The following COG5 variants were observed in gnomAD, a reference collection of about 807,000 sequenced individuals.
COG5 encodes the protein component of oligomeric golgi complex 5, also known as conserved oligomeric Golgi complex subunit 5.
In COG5, 86 loss-of-function variants were observed where a neutral mutation model predicts 110.4. The ratio of observed to expected loss-of-function variants is 0.78; its 90% CI spans 0.65 to 0.93. COG5 has a LOEUF of 0.93. Ranked by LOEUF, COG5 falls within the 40% of genes least tolerant of loss-of-function variation. The pLI, the probability that COG5 is intolerant of heterozygous loss-of-function variation, is 0.00. For missense variants in COG5, 1,077 were observed against 987.0 expected, an observed-to-expected ratio of 1.09 and a Z score of -1.22; for synonymous variants, 360 against 334.6, an observed-to-expected ratio of 1.08 and a Z score of -0.83.
rs545529615 is a variant in COG5 at position 107,223,153 on chromosome 7, C to T, written c.2168+7462G>A. On this transcript the variant is annotated intron_variant, in intron 19 of 21. Coordinates refer to ENST00000297135, the MANE Select transcript of COG5 (RefSeq NM_006348.5). ...GAAGGCAGCAAGACCACTAAGTATGCGTACTGAGGTCTGGAAGCAGCACAG... is the reference window on the plus strand; with the variant it reads ...GAAGGCAGCAAGACCACTAAGTATGTGTACTGAGGTCTGGAAGCAGCACAG... Among the ~76,000 whole-genome samples, 9 of 152,246 alleles carry T rather than the reference C, an allele frequency of 5.9e-5. No homozygotes were observed. The South Asian group carries it at 6.2e-4, about 11-fold the overall frequency.
intron 10 of COG5, among the ~76,000 whole-genome samples, chr7:107,331,329 G>C (rs904666566): frequency 1.3e-5 from 2 of 151,966 alleles, no homozygotes; most frequent in Non-Finnish European, 2.9e-5. Flanking sequence ...TTAGCCAGGC[G>C]TGGTGGCGGG....
chr7:107,497,364 G>C (rs1382077743), intron 6 of COG5, among the ~76,000 whole-genome samples: 1 of 152,138 alleles, frequency 6.6e-6, no homozygotes, highest in African/African-American at 2.4e-5. Context: ...AACTGTCCCT[G>C]TTTGCAGATA....
chr7:107,240,573 T>C (rs890623088), intron 17 of COG5, among the ~76,000 whole-genome samples: 2 of 152,198 alleles, frequency 1.3e-5, no homozygotes, highest in Non-Finnish European at 2.9e-5. Flanking sequence ...TAAGTTAGAC[T>C]TGAAGGTAAA....
At chr7:107,451,230 T>A (rs560419838) in intron 6 of COG5, among the ~76,000 whole-genome samples, 88 of 152,018 alleles carry the variant, frequency 5.8e-4, no homozygotes, top group Non-Finnish European at 1.1e-3. Context: ...AAAGAAACCA[T>A]GAAAGAGATC....
chr7:107,267,567 A>G (rs1803901147), intron 14 of COG5, among the ~76,000 whole-genome samples: 1 of 152,180 alleles, frequency 6.6e-6, no homozygotes, highest in Admixed American at 6.5e-5. Context: ...AACTTAAACA[A>G]TCCTTCATAT....
At position 107,563,893 on chromosome 7, in the gene COG5, C is replaced by T; in HGVS notation, c.4G>A (p.Glu2Lys). The T allele has an allele frequency of 1.2e-6, 2 of 1,613,776 alleles. No homozygotes were observed. The highest frequency in any genetic ancestry group is 1.7e-6 in the Non-Finnish European group (2 of 1,179,968). ...ACAGCGACGCTGCCGCCGCCACCTT[C>T]CATGTTGGCAGGTGCCGGGTTGATG... M[E>K]GGGGSVAVAG... The change falls in exon 1 of 22, where the codon GAA (glutamate) becomes AAA (lysine). Residue 2 changes from glutamate (E) to lysine (K), a missense_variant. Glu to Lys is a moderately conservative substitution (Grantham distance 56). Transcript: ENST00000297135.
intron 8 of COG5, among the ~76,000 whole-genome samples, chr7:107,369,384 CTTT>C (rs567770114): frequency 1.3e-4 from 13 of 103,116 alleles, no homozygotes; most frequent in Admixed American, 2.1e-4. Context: ...AACAAAAATT[CTTT>C]TTTTTTTTTT....
intron 11 of COG5, among the ~76,000 whole-genome samples, 183 bp from the exon 12 acceptor site, chr7:107,298,529 G>A (rs970457263): frequency 6.6e-6 from 1 of 151,960 alleles, no homozygotes; most frequent in Non-Finnish European, 1.5e-5. Flanking sequence ...CACTGCATTT[G>A]ATGTGCAGGT....
At chr7:107,299,996 C>T (rs1807127101) in intron 11 of COG5, among the ~76,000 whole-genome samples, 1 of 151,090 alleles carries the variant, frequency 6.6e-6, no homozygotes, top group African/African-American at 2.4e-5. Context: ...GTTGGGATTA[C>T]AGACATGAGC....
intron 17 of COG5, among the ~76,000 whole-genome samples, chr7:107,247,398 T>C (rs1377489692): frequency 6.6e-6 from 1 of 152,158 alleles, no homozygotes; most frequent in African/African-American, 2.4e-5. Flanking sequence ...TTAAAAAACT[T>C]TGTAAATGAA....
intron 17 of COG5, among the ~76,000 whole-genome samples, chr7:107,243,340 C>A (rs1002160267): frequency 5.3e-5 from 8 of 151,590 alleles, no homozygotes; most frequent in Admixed American, 5.3e-4. Flanking sequence ...GGTGAAACCC[C>A]GTCTCTACTA....
At chr7:107,339,616 T>C (rs923404088) in intron 10 of COG5, among the ~76,000 whole-genome samples, 2 of 152,098 alleles carry the variant, frequency 1.3e-5, no homozygotes, top group African/African-American at 4.8e-5. Context: ...CATCACATGC[T>C]ATGCCATAAA....
chr7:107,467,904 C>A (rs1796397648), intron 6 of COG5, among the ~76,000 whole-genome samples: 2 of 151,868 alleles, frequency 1.3e-5, no homozygotes, highest in African/African-American at 4.9e-5. Context: ...AGAGCACTGT[C>A]TGTGCTCGAG....
chr7:107,541,294 C>T (rs1016634944), intron 5 of COG5, among the ~76,000 whole-genome samples: 2 of 150,336 alleles, frequency 1.3e-5, no homozygotes, highest in Non-Finnish European at 3.0e-5. Context: ...CTCAGGAGTT[C>T]GAGACCAACC....
At chr7:107,267,266 C>A (rs569266559) in intron 14 of COG5, among the ~76,000 whole-genome samples, 1 of 152,286 alleles carries the variant, frequency 6.6e-6, no homozygotes, top group African/African-American at 2.4e-5. Context: ...AAAATCTCCA[C>A]CTGGCAATAC....
At position 107,408,693 on chromosome 7, in the gene COG5, T is replaced by C. The variant is rs1792048212; in HGVS notation, c.669+3809A>G. Among the ~76,000 whole-genome samples, 5 of 152,336 alleles carry C rather than the reference T, an allele frequency of 3.3e-5. No individual in the cohort carries two copies. The South Asian group carries it at 1.0e-3, about 32-fold the overall frequency. Reference sequence around the variant, plus strand: ...ATCAGCTCTAATGGGGCCTGGTGTATAGTCCCTAGCATTATGAGTGCCAAA... The same window carrying C: ...ATCAGCTCTAATGGGGCCTGGTGTACAGTCCCTAGCATTATGAGTGCCAAA... On this transcript the variant is annotated intron_variant, in intron 7 of 21. Coordinates refer to ENST00000297135, the MANE Select transcript of COG5 (RefSeq NM_006348.5).
rs533664484 is a variant in COG5 at position 107,302,458 on chromosome 7, T to C, written c.1109-4112A>G. 3.3e-5 allele frequency among the ~76,000 whole-genome samples: 5 copies of C among 152,326 alleles called. No homozygotes were observed. In the East Asian group the frequency reaches 7.7e-4, roughly 23 times the overall value. On this transcript the variant is annotated intron_variant, in intron 11 of 21. Coordinates refer to ENST00000297135, the MANE Select transcript of COG5 (RefSeq NM_006348.5). ...TATGTTCACTGATTGATTATTGTGA[T>C]GATTTCAGGGGTGTACTCATATGTC...
chr7:107,453,548 C>T (rs1464432968), intron 6 of COG5, among the ~76,000 whole-genome samples: 1 of 152,154 alleles, frequency 6.6e-6, no homozygotes, highest in Non-Finnish European at 1.5e-5. Context: ...CAGTCAAAAT[C>T]TAAATGCAAA....
chr7:107,236,780 A>G (rs764207875), intron 17 of COG5, 93 bp from the exon 18 acceptor site: 34 of 838,902 alleles, frequency 4.1e-5, no homozygotes, highest in Non-Finnish European at 6.5e-5. Flanking sequence ...TGCTATTTCA[A>G]TCCTTTGTAA....
Sources: gnomAD v4.1 joint callset for allele counts (sites outside exome capture counted in the v4.1 genomes callset) on GRCh38, gnomAD v4.1.1 for gene constraint, MANE v1.5 for transcripts, NCBI Gene and HGNC (gene_info 2026-07-23, HGNC 2026-07-21) for gene names.